Variants in ENAH observed in about 807,000 individuals in gnomAD.
ENAH encodes protein enabled homolog.
A neutral mutation model predicts 78.7 loss-of-function variants in ENAH; 23 were observed. The ratio of observed to expected loss-of-function variants is 0.29; its 90% CI spans 0.21 to 0.41. The LOEUF (loss-of-function observed/expected upper bound fraction) is 0.41, where lower values mean the gene tolerates loss of function less well. ENAH is among the 10% of genes least tolerant of loss of function. The pLI, the probability that ENAH is intolerant of heterozygous loss-of-function variation, is 1.00. For synonymous variants in ENAH, 226 were observed against 241.0 expected, an observed-to-expected ratio of 0.94 and a Z score of 0.58; for missense variants, 544 against 691.0, an observed-to-expected ratio of 0.79 and a Z score of 2.39.
intron 5 of ENAH, 156 bp from the exon 6 acceptor site, chr1:225,517,462 G>A (rs557602846): frequency 5.1e-5 from 79 of 1,551,682 alleles, no homozygotes; most frequent in African/African-American, 3.3e-4. Flanking sequence ...TGAGGTAGGC[G>A]GTGGAGACAC....
chr1:225,514,401 G>T (rs1192644468), intron 7 of ENAH, among the ~76,000 whole-genome samples, 195 bp downstream of exon 7: 3 of 151,968 alleles, frequency 2.0e-5, no homozygotes, highest in African/African-American at 7.2e-5. Flanking sequence ...CTGACCTCAG[G>T]TGATCCGCCC....
intron 1 of ENAH, among the ~76,000 whole-genome samples, chr1:225,623,413 A>T (rs1161843983): frequency 1.3e-5 from 2 of 152,198 alleles, no homozygotes; most frequent in Middle Eastern, 6.8e-3. Flanking sequence ...AAGACTCATA[A>T]TTTCACTTGT....
intron 10 of ENAH, among the ~76,000 whole-genome samples, chr1:225,511,588 T>G (rs369121277): frequency 6.6e-6 from 1 of 152,222 alleles, no homozygotes; most frequent in Admixed American, 6.5e-5. Context: ...TCTTGTCATC[T>G]AATAGTACAT....
At chr1:225,510,647 G>T (rs949601113) in intron 10 of ENAH, among the ~76,000 whole-genome samples, 9 of 150,918 alleles carry the variant, frequency 6.0e-5, no homozygotes, top group Non-Finnish European at 8.8e-5. Flanking sequence ...GGAATGGGGG[G>T]AGTGGTGAAA....
At chr1:225,632,489 C>A (rs1462533770) in intron 1 of ENAH, among the ~76,000 whole-genome samples, 1 of 140,926 alleles carries the variant, frequency 7.1e-6, no homozygotes. Flanking sequence ...CACAGCGAGA[C>A]TCCGTCTCAA....
rs187644013 is a variant in ENAH, at chr1:225,525,903, T to A, written c.434+4651A>T. 1.1e-4 allele frequency among the ~76,000 whole-genome samples: 17 copies of A among 152,162 alleles called. No homozygotes were observed. The East Asian group carries it at 3.1e-3, about 28-fold the overall frequency. ...TCTTGGTGGGAGGTCTTTGTTTTTT[T>A]CCCCACTTACTGGGCTGGACTTTTG... is the stretch of plus-strand genomic sequence containing the variant. On this transcript the variant is annotated intron_variant, in intron 4 of 13. Transcript: ENST00000366843.
At chr1:225,568,003 A>G (rs1177596850) in intron 1 of ENAH, among the ~76,000 whole-genome samples, 4 of 152,176 alleles carry the variant, frequency 2.6e-5, no homozygotes, top group African/African-American at 9.6e-5. Flanking sequence ...ATGGCAGTGT[A>G]ACTAAATTCC....
intron 2 of ENAH, among the ~76,000 whole-genome samples, chr1:225,561,582 A>G (rs1233972058): frequency 2.2e-5 from 3 of 135,698 alleles, no homozygotes; most frequent in Non-Finnish European, 4.7e-5. Flanking sequence ...AGATGGCGCC[A>G]CTGCACTCCA....
At position 225,498,272 on chromosome 1, in the gene ENAH, T is replaced by C; in HGVS notation, c.1675+75A>G. 2.5e-6 allele frequency: 3 copies of C among 1,222,346 alleles called. No homozygotes were observed. In the South Asian group the frequency reaches 3.9e-5, roughly 16 times the overall value. The allele number at this position is 1,222,346 out of a possible 1,614,324, so 75.7% of individuals were successfully genotyped here. ...CTCAACTAATCAGCTGGGTATTTCC[T>C]TATTTGCATTTTCTTAAAAATGGTC... On this transcript the variant is annotated intron_variant, in intron 13 of 13. Transcript: ENST00000366843.
Position 225,497,603 on chromosome 1 carries a change from CAG to C in ENAH, c.*170_*171del, listed in dbSNP as rs1275745267. On this transcript the variant is annotated 3_prime_UTR_variant, in exon 14 of 14. Coordinates refer to ENST00000366843, the MANE Select transcript of ENAH (RefSeq NM_018212.6). ...AACGGAGAGGGAAAGAGCTTATCAC[CAG>C]AGTCATAATGTCTGAAGGCTTTCAG... 2 of 483,166 alleles carry C rather than the reference CAG, an allele frequency of 4.1e-6. No homozygotes were observed. The highest frequency in any genetic ancestry group is 1.9e-5 in the African/African-American group (1 of 51,578). 29.9% of individuals were successfully genotyped at this position (483,166 alleles called of 1,614,324 possible).
chr1:225,535,499 T>C, intron 3 of ENAH: 1 of 1,301,986 alleles, frequency 7.7e-7, no homozygotes, highest in Non-Finnish European at 1.0e-6. Flanking sequence ...AAACATAATG[T>C]TGCTTACCAC....
At chr1:225,631,509 G>C (rs1001361395) in intron 1 of ENAH, among the ~76,000 whole-genome samples, 1 of 151,316 alleles carries the variant, frequency 6.6e-6, no homozygotes, top group African/African-American at 2.4e-5. Context: ...GGAAGGCGGA[G>C]GTTGCGGTGA....
intron 1 of ENAH, among the ~76,000 whole-genome samples, chr1:225,624,961 C>T (rs954054338): frequency 3.3e-5 from 5 of 151,810 alleles, no homozygotes; most frequent in Non-Finnish European, 7.4e-5. Flanking sequence ...GGATGTGAAA[C>T]AGCTGACCCC....
rs1380049570 is a variant in ENAH, at chr1:225,495,123, A to C, written c.*2652T>G. 1 of 152,622 alleles carries C rather than the reference A, an allele frequency of 6.6e-6. No individual in the cohort carries two copies. The highest frequency in any genetic ancestry group is 1.9e-4 in the East Asian group (1 of 5,198). 9.5% of individuals were successfully genotyped at this position (152,622 alleles called of 1,614,324 possible). A position where few individuals can be genotyped will look rare whatever the true frequency, so the allele number is the denominator to read the frequency against. ...TGCAATTGACTTGTGAGCCATTTAC[A>C]TAGTGGATAGTACAGACTTGTCACA... On this transcript the variant is annotated 3_prime_UTR_variant, in exon 14 of 14. Coordinates refer to ENST00000366843, the MANE Select transcript of ENAH (RefSeq NM_018212.6).
intron 1 of ENAH, among the ~76,000 whole-genome samples, chr1:225,586,725 T>C (rs992475469): frequency 6.6e-6 from 1 of 152,012 alleles, no homozygotes; most frequent in South Asian, 2.1e-4. Flanking sequence ...AACAACGTAA[T>C]GCAAAAGAGG....
intron 2 of ENAH, among the ~76,000 whole-genome samples, chr1:225,566,868 T>C (rs1001962005): frequency 6.6e-5 from 10 of 152,240 alleles, no homozygotes; most frequent in Non-Finnish European, 1.5e-4. Flanking sequence ...ATCTATACTT[T>C]CAACTCCCTC....
intron 1 of ENAH, among the ~76,000 whole-genome samples, chr1:225,618,551 C>A (rs568223576): frequency 1.3e-5 from 2 of 152,284 alleles, no homozygotes; most frequent in Non-Finnish European, 2.9e-5. Context: ...TTCACTAATA[C>A]GTAGTTCACT....
intron 3 of ENAH, among the ~76,000 whole-genome samples, chr1:225,538,046 C>T (rs986210029): frequency 7.2e-5 from 11 of 152,068 alleles, no homozygotes; most frequent in African/African-American, 2.4e-4. Context: ...TTGTTTCTTA[C>T]GATTAAATGA....
rs916252333 is a variant in ENAH at position 225,547,052 on chromosome 1, TTTG to T, written c.349+7851_349+7853del. 1.8e-4 allele frequency among the ~76,000 whole-genome samples: 27 copies of T among 151,898 alleles called. 1 individual carries two copies. Among genetic ancestry groups the T allele is most frequent in the African/African-American group, 6.3e-4 (26 of 41,272 alleles). On this transcript the variant is annotated intron_variant, in intron 3 of 13. Transcript: ENST00000366843. ...GATACTTTCCCGGAGACATCTATTATTTGTTGTTGTTGTTGTTTTTGTTTTGTT... is the reference window on the plus strand; with the variant it reads ...GATACTTTCCCGGAGACATCTATTATTTGTTGTTGTTGTTTTTGTTTTGTT...
Sources: allele counts gnomAD v4.1 joint callset (sites outside exome capture counted in the v4.1 genomes callset), GRCh38; gene constraint gnomAD v4.1.1; transcripts MANE v1.5; gene names NCBI Gene and HGNC (gene_info 2026-07-23, HGNC 2026-07-21).